KLHL31: variants seen among roughly 807,000 people sequenced by gnomAD.
KLHL31 encodes kelch-like protein 31.
In KLHL31, 32 loss-of-function variants were observed where a neutral mutation model predicts 47.1. The ratio of observed to expected loss-of-function variants is 0.68; its 90% CI spans 0.51 to 0.91. The LOEUF is 0.91. Ranked by LOEUF, KLHL31 falls within the 40% of genes least tolerant of loss-of-function variation. The pLI is 0.00. For missense variants in KLHL31, 797 were observed against 819.3 expected, an observed-to-expected ratio of 0.97 and a Z score of 0.33; for synonymous variants, 330 against 325.1, an observed-to-expected ratio of 1.01 and a Z score of -0.16.
At position 53,650,705 on chromosome 6, in the gene KLHL31, G is replaced by C. The variant is rs1160994833; in HGVS notation, c.*893C>G. On this transcript the variant is annotated 3_prime_UTR_variant, in exon 3 of 3. Coordinates refer to ENST00000370905, the MANE Select transcript of KLHL31 (RefSeq NM_001003760.5). ...TTCGCGGGGTGTACATTAGGGCCAA[G>C]GTTGCCTTTAACCAGGTTGGTGTAG... 1 of 152,186 alleles carries C rather than the reference G, an allele frequency of 6.6e-6. No homozygotes were observed. The highest frequency in any genetic ancestry group is 1.5e-5 in the Non-Finnish European group (1 of 68,046). The allele number at this position is 152,186 out of a possible 1,614,324, so 9.4% of individuals were successfully genotyped here. A position where few individuals can be genotyped will look rare whatever the true frequency, so the allele number is the denominator to read the frequency against.
rs1454913889 is a variant in KLHL31 at position 53,650,529 on chromosome 6, T to A, written c.*1069A>T. On this transcript the variant is annotated 3_prime_UTR_variant, in exon 3 of 3. Coordinates refer to ENST00000370905, the MANE Select transcript of KLHL31 (RefSeq NM_001003760.5). ...CAACAGGAGAACCCATTCATCCAGT[T>A]ACTACCAAATCTACAAATTCCAAAT... 6.6e-6 allele frequency: 1 copy of A among 152,232 alleles called. No homozygotes were observed. Among genetic ancestry groups the A allele is most frequent in the South Asian group, 2.1e-4 (1 of 4,834 alleles). The allele number at this position is 152,232 out of a possible 1,614,324, so 9.4% of individuals were successfully genotyped here.
chr6:53,652,446 T>C (rs1339377953), intron 2 of KLHL31, 116 bp from the exon 3 acceptor site: 2 of 1,297,342 alleles, frequency 1.5e-6, no homozygotes, highest in African/African-American at 2.9e-5. Flanking sequence ...GCGAGGGACC[T>C]GGCCCAGCAC....
intron 1 of KLHL31, among the ~76,000 whole-genome samples, chr6:53,658,736 A>C (rs1245321640): frequency 6.6e-6 from 1 of 152,212 alleles, no homozygotes; most frequent in Admixed American, 6.5e-5. Flanking sequence ...ACAATAAGCT[A>C]TCTAGGAAAG....
Position 53,655,316 on chromosome 6 carries a change from A to G in KLHL31, c.-33-11T>C, listed in dbSNP as rs1238102781. 8 of 1,125,482 alleles carry G rather than the reference A, an allele frequency of 7.1e-6. No individual in the cohort carries two copies. The highest frequency in any genetic ancestry group is 8.4e-6 in the Non-Finnish European group (7 of 831,470). 69.7% of individuals were successfully genotyped at this position (1,125,482 alleles called of 1,614,324 possible). On this transcript the variant is annotated splice_polypyrimidine_tract_variant and intron_variant, in intron 1 of 2. Transcript: ENST00000370905. ...ACAGGCAAGAGCTTGCTAAAAAGAG[A>G]AAAAAAAAAACATGGTTTTGTTTTA...
In KLHL31 at chr6:53,660,489, A is replaced by C. The variant is rs541080566; in HGVS notation, c.-34+5112T>G. On this transcript the variant is annotated intron_variant, in intron 1 of 2. Transcript: ENST00000370905. Reference sequence around the variant, plus strand: ...TTTAGCTCTCTCCAAAATGAGGAGAAGGAGAGGAACAGGCAGGAGACCATT... The same window carrying C: ...TTTAGCTCTCTCCAAAATGAGGAGACGGAGAGGAACAGGCAGGAGACCATT... 2.6e-5 allele frequency among the ~76,000 whole-genome samples: 4 copies of C among 152,306 alleles called. No individual in the cohort carries two copies. In the South Asian group the frequency reaches 8.3e-4, roughly 32 times the overall value.
intron 1 of KLHL31, among the ~76,000 whole-genome samples, chr6:53,658,541 G>T (rs1764603671): frequency 6.6e-6 from 1 of 152,116 alleles, no homozygotes; most frequent in Admixed American, 6.5e-5. Context: ...GGTACACTGT[G>T]TAATTCTTCA....
chr6:53,654,326 C>T lies in KLHL31; in HGVS notation c.947G>A (p.Arg316Gln), dbSNP rs985646354. The T allele has an allele frequency of 2.4e-5, 39 of 1,614,030 alleles. No individual in the cohort carries two copies. Among genetic ancestry groups the T allele is most frequent in the Middle Eastern group, 1.6e-4 (1 of 6,084 alleles). ...SRRTRIRGGC[R>Q]VLVTVGGRPG... ...GCGTCCCCCAACAGTGACGAGGACT[C>T]GGCAGCCACCTCGGATTCTTGTTCG... The change falls in exon 2 of 3, where the codon CGA becomes CAA. Residue 316 changes from arginine to glutamine, a missense_variant. Transcript: ENST00000370905.
rs1764489239 is a variant in KLHL31, at chr6:53,652,342, A to G, written c.1173-12T>C. ...AGCGGGGATCGTATCTGGAAATGAT[A>G]GAGAAGGTGTAACAGCTTTGTCGGC... is the stretch of plus-strand genomic sequence containing the variant. On this transcript the variant is annotated splice_polypyrimidine_tract_variant and intron_variant, in intron 2 of 2. Coordinates refer to ENST00000370905, the MANE Select transcript of KLHL31 (RefSeq NM_001003760.5). 6.2e-7 allele frequency: 1 copy of G among 1,613,092 alleles called. No homozygotes were observed. The highest frequency in any genetic ancestry group is 2.2e-5 in the East Asian group (1 of 44,878).
In KLHL31 at chr6:53,651,713, T is replaced by C. The variant is rs374819778; in HGVS notation, c.1790A>G (p.Asp597Gly). The C allele has an allele frequency of 1.3e-5, 21 of 1,614,052 alleles. No homozygotes were observed. Among genetic ancestry groups the C allele is most frequent in the Non-Finnish European group, 1.6e-5 (19 of 1,180,036 alleles). Reference sequence around the variant, plus strand: ...GACAGTGGCCTCGGGTAGCTCGTCGTCCTCCGTCCACTCGTTGAGCTCGGG... The same window carrying C: ...GACAGTGGCCTCGGGTAGCTCGTCGCCCTCCGTCCACTCGTTGAGCTCGGG... ...FSPELNEWTEDDELPEATVGV... is the reference protein window; with the variant it reads ...FSPELNEWTEGDELPEATVGV... The change falls in exon 3 of 3, where the codon GAC becomes GGC. Residue 597 changes from aspartate (D) to glycine (G), a missense_variant. By Grantham distance (94) the Asp-to-Gly change is moderately conservative (BLOSUM62 -1). Coordinates refer to ENST00000370905, the MANE Select transcript of KLHL31 (RefSeq NM_001003760.5).
Position 53,654,278 on chromosome 6 carries a change from A to C in KLHL31, c.995T>G (p.Leu332Arg). 1.2e-6 allele frequency: 2 copies of C among 1,614,218 alleles called. No individual in the cohort carries two copies. Among genetic ancestry groups the C allele is most frequent in the Non-Finnish European group, 1.7e-6 (2 of 1,180,042 alleles). The change falls in exon 2 of 3, where the codon CTT becomes CGT. Residue 332 changes from leucine to arginine, a missense_variant. Coordinates refer to ENST00000370905, the MANE Select transcript of KLHL31 (RefSeq NM_001003760.5). ...GGRPGLTEKS[L>R]SRDILYRDPE... ...GTCTCTATACAAGATGTCTCTGCTA[A>C]GGGACTTCTCAGTAAGGCCTGGGCG...
intron 1 of KLHL31, among the ~76,000 whole-genome samples, chr6:53,660,883 T>G (rs556777633): frequency 8.5e-5 from 13 of 152,352 alleles, no homozygotes; most frequent in African/African-American, 3.1e-4. Context: ...AATTTTCCTA[T>G]GTAAACTCAT....
Position 53,652,150 on chromosome 6 carries a change from G to A in KLHL31, c.1353C>T (p.Pro451=). The A allele has an allele frequency of 6.2e-7, 1 of 1,605,254 alleles. No homozygotes were observed. The highest frequency in any genetic ancestry group is 1.1e-5 in the South Asian group (1 of 90,990). The part of the protein sequence containing the change: ...PSTNQWQPKT[P]LEVARCCHAS... ...CGTGGCAGCAGCGCGCCACCTCCAG[G>A]GGCGTCTTCGGCTGCCACTGATTGG... Residue 451 remains proline (P), a synonymous_variant, in exon 3 of 3, where the codon CCC becomes CCT. Coordinates refer to ENST00000370905, the MANE Select transcript of KLHL31 (RefSeq NM_001003760.5).
rs1764464679 is a variant in KLHL31 at position 53,651,542 on chromosome 6, A to G, written c.*56T>C. ...CTTTTCGCGAACTCAGAGGTTAACCACGTGGCTCTACGAATAAATAACGTG... is the reference window on the plus strand; with the variant it reads ...CTTTTCGCGAACTCAGAGGTTAACCGCGTGGCTCTACGAATAAATAACGTG... On this transcript the variant is annotated 3_prime_UTR_variant, in exon 3 of 3. Transcript: ENST00000370905. 1.6e-5 allele frequency: 25 copies of G among 1,559,698 alleles called. No homozygotes were observed. Among genetic ancestry groups the G allele is most frequent in the Admixed American group, 9.0e-5 (5 of 55,560 alleles).
intron 1 of KLHL31, among the ~76,000 whole-genome samples, chr6:53,656,154 G>A (rs1764558200): frequency 6.6e-6 from 1 of 151,474 alleles, no homozygotes; most frequent in Admixed American, 6.6e-5. Flanking sequence ...ACACATATAA[G>A]TACTATAGGA....
Position 53,652,050 on chromosome 6 carries a change from C to T in KLHL31, c.1453G>A (p.Ala485Thr). The T allele has an allele frequency of 6.3e-7, 1 of 1,594,158 alleles. No individual in the cohort carries two copies. Among genetic ancestry groups the T allele is most frequent in the Non-Finnish European group, 8.5e-7 (1 of 1,175,916 alleles). The change falls in exon 3 of 3, where the codon GCC becomes ACC. Residue 485 changes from alanine (A) to threonine (T), a missense_variant. Physicochemically the swap from Ala to Thr is moderately conservative, Grantham distance 58 (BLOSUM62 0). Coordinates refer to ENST00000370905, the MANE Select transcript of KLHL31 (RefSeq NM_001003760.5). ...IANAYSRSVC[A>T]YDPASDSWQE... Reference sequence around the variant, plus strand: ...CACGAGTCGCTGGCCGGGTCGTAGGCGCACACAGAGCGCGAGTAGGCGTTG... The same window carrying T: ...CACGAGTCGCTGGCCGGGTCGTAGGTGCACACAGAGCGCGAGTAGGCGTTG...
In KLHL31 at chr6:53,651,471, G is replaced by A. The variant is rs1764463730; in HGVS notation, c.*127C>T. 4.9e-6 allele frequency: 4 copies of A among 816,228 alleles called. No homozygotes were observed. The highest frequency in any genetic ancestry group is 7.0e-6 in the Non-Finnish European group (4 of 571,064). 50.6% of individuals were successfully genotyped at this position (816,228 alleles called of 1,614,324 possible). On this transcript the variant is annotated 3_prime_UTR_variant, in exon 3 of 3. Transcript: ENST00000370905. ...TTAAAGCCATCAGGACATGTGCCTC[G>A]ACATATTTTACAATACAATCAGTGT...
chr6:53,660,049 T>C (rs1764623337), intron 1 of KLHL31, among the ~76,000 whole-genome samples: 1 of 152,206 alleles, frequency 6.6e-6, no homozygotes, highest in Non-Finnish European at 1.5e-5. Context: ...GGTGATACAT[T>C]AGCTAGTCTG....
At position 53,651,693 on chromosome 6, in the gene KLHL31, T is replaced by C; in HGVS notation, c.1810A>G (p.Thr604Ala). 2 of 1,614,152 alleles carry C rather than the reference T, an allele frequency of 1.2e-6. No homozygotes were observed. The highest frequency in any genetic ancestry group is 1.7e-6 in the Non-Finnish European group (2 of 1,180,020). The change falls in exon 3 of 3, where the codon ACT (threonine) becomes GCT (alanine). Residue 604 changes from threonine (T) to alanine (A), a missense_variant. Coordinates refer to ENST00000370905, the MANE Select transcript of KLHL31 (RefSeq NM_001003760.5). ...AGGGTGCAGCAGGACACGCCGACAG[T>C]GGCCTCGGGTAGCTCGTCGTCCTCC... ...WTEDDELPEA[T>A]VGVSCCTLSM...
chr6:53,651,946 G>T lies in KLHL31; in HGVS notation c.1557C>A (p.Gly519=). The change falls in exon 3 of 3, where the codon GGC becomes GGA. Residue 519 remains glycine (G), a synonymous_variant. Coordinates refer to ENST00000370905, the MANE Select transcript of KLHL31 (RefSeq NM_001003760.5). The part of the protein sequence containing the change: ...VTLSDRVYVM[G]GSQLGPRGER... ...CCCCGCGCGGCCCCAGCTGGCTGCC[G>T]CCCATCACGTACACTCTGTCGCTCA... 1 of 1,591,368 alleles carries T rather than the reference G, an allele frequency of 6.3e-7. No individual in the cohort carries two copies. The highest frequency in any genetic ancestry group is 8.5e-7 in the Non-Finnish European group (1 of 1,175,404).
Sources: allele counts gnomAD v4.1 joint callset (sites outside exome capture counted in the v4.1 genomes callset), GRCh38; gene constraint gnomAD v4.1.1; transcripts MANE v1.5; gene names NCBI Gene and HGNC (gene_info 2026-07-23, HGNC 2026-07-21).